The following PRKCQ variants were observed in gnomAD, a reference collection of about 807,000 sequenced individuals.
PRKCQ encodes the protein protein kinase C theta type.
PRKCQ carries 41 observed loss-of-function variants against 91.2 expected under a neutral mutation model. That is an observed-to-expected ratio of 0.45 (90% CI 0.35 to 0.58). The LOEUF (loss-of-function observed/expected upper bound fraction) is 0.58. Among genes scored for constraint, PRKCQ ranks in the 20% least tolerant of loss-of-function variants. The probability of loss-of-function intolerance (pLI) is 0.00; values close to 1 mark genes in which losing one functional copy is unlikely to be tolerated. For missense variants in PRKCQ, 673 were observed against 896.5 expected (o/e 0.75, Z 3.18); for synonymous variants, 307 against 316.9 (o/e 0.97, Z 0.33).
At chr10:6,469,015 TC>T (rs981227440) in intron 12 of PRKCQ, among the ~76,000 whole-genome samples, 1 of 152,214 alleles carries the variant, frequency 6.6e-6, no homozygotes, top group Admixed American at 6.5e-5. Flanking sequence ...TAGCAAGAAC[TC>T]CTTATGTATT....
intron 7 of PRKCQ, among the ~76,000 whole-genome samples, chr10:6,495,905 T>C (rs1156852578): frequency 1.3e-5 from 2 of 152,154 alleles, no homozygotes; most frequent in African/African-American, 2.4e-5. Context: ...CACCAGGTAA[T>C]ATAGGCATAG....
At chr10:6,515,666 T>G (rs1014676775) in intron 1 of PRKCQ, 1 of 273,924 alleles carries the variant, frequency 3.7e-6, no homozygotes, top group Non-Finnish European at 5.6e-6. Flanking sequence ...TCTGGACATT[T>G]TCAAAAAGGT....
chr10:6,575,889 A>C (rs1841212209), intron 1 of PRKCQ, among the ~76,000 whole-genome samples: 2 of 152,192 alleles, frequency 1.3e-5, no homozygotes, highest in Non-Finnish European at 2.9e-5. Context: ...AAAATACAAA[A>C]GTTAGCTGGG....
At chr10:6,517,393 T>C (rs1199726936) in intron 1 of PRKCQ, among the ~76,000 whole-genome samples, 1 of 151,916 alleles carries the variant, frequency 6.6e-6, no homozygotes, top group Non-Finnish European at 1.5e-5. Flanking sequence ...GAATTATATT[T>C]GGCTTTTTAA....
At chr10:6,475,067 A>T (rs768214157) in intron 12 of PRKCQ, among the ~76,000 whole-genome samples, 1 of 152,190 alleles carries the variant, frequency 6.6e-6, no homozygotes, top group Non-Finnish European at 1.5e-5. Context: ...TCTACGTTAG[A>T]CCCTGAGCCA....
rs372791078 is a variant in PRKCQ, at chr10:6,515,039, C to G, written c.97G>C (p.Val33Leu). ...TTACCTGATTCGACATACTCTTTGA[C>G]GAGCACAGCACAGTAAGGGTTAACA... ...EAVNPYCAVL[V>L]KEYVESENGQ... is the part of the protein sequence containing the mutation. Residue 33 changes from valine (V) to leucine (L), a missense_variant, in exon 2 of 18, where the codon GTC (valine) becomes CTC (leucine). By Grantham distance (32) the Val-to-Leu change is conservative (BLOSUM62 1). Coordinates refer to ENST00000263125, the MANE Select transcript of PRKCQ (RefSeq NM_006257.5). The G allele has an allele frequency of 1.2e-6, 2 of 1,613,484 alleles. No homozygotes were observed. Among genetic ancestry groups the G allele is most frequent in the Non-Finnish European group, 1.7e-6 (2 of 1,179,928 alleles).
chr10:6,520,968 T>C (rs769257217), intron 1 of PRKCQ, among the ~76,000 whole-genome samples: 9 of 152,194 alleles, frequency 5.9e-5, no homozygotes, highest in Non-Finnish European at 1.2e-4. Context: ...TCAGAACGAG[T>C]GCATTTGGGT....
At chr10:6,574,562 C>G (rs945715952) in intron 1 of PRKCQ, among the ~76,000 whole-genome samples, 5 of 152,228 alleles carry the variant, frequency 3.3e-5, no homozygotes, top group Non-Finnish European at 5.9e-5. Flanking sequence ...ACTCCTCCAG[C>G]TCCACCCAGC....
At chr10:6,566,279 G>A (rs1346058514) in intron 1 of PRKCQ, among the ~76,000 whole-genome samples, 4 of 69,332 alleles carry the variant, frequency 5.8e-5, no homozygotes, top group African/African-American at 1.5e-4. Context: ...GCCACCAGTG[G>A]TTGCATTCTC....
intron 16 of PRKCQ, among the ~76,000 whole-genome samples, chr10:6,436,171 A>C (rs1377964073): frequency 6.6e-6 from 1 of 152,132 alleles, no homozygotes; most frequent in African/African-American, 2.4e-5. Context: ...TTTAAACTTT[A>C]TTATCTTAGT....
downstream of PRKCQ, among the ~76,000 whole-genome samples, chr10:6,426,501 G>A (rs1833126481): frequency 6.6e-6 from 1 of 152,148 alleles, no homozygotes; most frequent in South Asian, 2.1e-4. Flanking sequence ...ATAACTAGAG[G>A]TTTGTAGTCA....
At chr10:6,417,109 A>G in the PRKCQ span, among the ~76,000 whole-genome samples, 1 of 152,240 alleles carries the variant, frequency 6.6e-6, no homozygotes, top group Non-Finnish European at 1.5e-5. Flanking sequence ...ATGTTATCTC[A>G]GGAAAACCTT....
intron 15 of PRKCQ, 45 bp downstream of exon 15, chr10:6,456,629 G>T (rs746860270): frequency 2.5e-6 from 4 of 1,606,562 alleles, no homozygotes; most frequent in Non-Finnish European, 3.4e-6. Context: ...ATGGCATGTG[G>T]CCAGGGCATG....
chr10:6,548,878 A>G (rs1840076983), intron 1 of PRKCQ, among the ~76,000 whole-genome samples: 2 of 152,004 alleles, frequency 1.3e-5, no homozygotes, highest in South Asian at 4.1e-4. Flanking sequence ...AACTTAAAGT[A>G]TAATAATAAT....
At chr10:6,511,371 G>A (rs1002604176) in intron 2 of PRKCQ, among the ~76,000 whole-genome samples, 177 bp from the exon 3 acceptor site, 5 of 152,114 alleles carry the variant, frequency 3.3e-5, no homozygotes, top group African/African-American at 7.2e-5. Context: ...GACAGTCCCC[G>A]GGTCCAGATG....
Position 6,427,362 on chromosome 10 carries a change from C to T in PRKCQ, c.*845G>A, listed in dbSNP as rs4750439. 0.2 allele frequency: 31,003 copies of T among 151,970 alleles called. 3,602 individuals carry two copies. The highest frequency in any genetic ancestry group is 0.28 in the Middle Eastern group (83 of 294). 9.4% of individuals were successfully genotyped at this position (151,970 alleles called of 1,614,324 possible). On this transcript the variant is annotated 3_prime_UTR_variant, in exon 18 of 18. Transcript: ENST00000263125. ...AGTCATGAAATCACCAGTCATGGCA[C>T]GAGAAGGGGTTAAGGTTCTTTTCCC...
upstream of PRKCQ, chr10:6,580,344 G>A (rs899343267): frequency 6.7e-6 from 1 of 148,222 alleles, no homozygotes; most frequent in Non-Finnish European, 1.5e-5. Flanking sequence ...GCGCACTGCG[G>A]GTGCGCCTAG....
chr10:6,414,751 G>A, the PRKCQ span, among the ~76,000 whole-genome samples: 1 of 148,328 alleles, frequency 6.7e-6, no homozygotes, highest in African/African-American at 2.5e-5. Flanking sequence ...TGAAAACATA[G>A]CAATAGAAAT....
intron 1 of PRKCQ, among the ~76,000 whole-genome samples, chr10:6,537,726 C>T (rs962591306): frequency 5.3e-5 from 8 of 152,158 alleles, no homozygotes; most frequent in Admixed American, 2.0e-4. Flanking sequence ...GATGACTGAC[C>T]GATCTTATTC....
Sources: gnomAD v4.1 joint callset for allele counts (sites outside exome capture counted in the v4.1 genomes callset) on GRCh38, gnomAD v4.1.1 for gene constraint, MANE v1.5 for transcripts, NCBI Gene and HGNC (gene_info 2026-07-23, HGNC 2026-07-21) for gene names.